Variants in LEFTY2 observed in about 807,000 individuals in gnomAD.
LEFTY2 encodes left-right determination factor 2.
A neutral mutation model predicts 26.4 loss-of-function variants in LEFTY2; 10 were observed. That is an observed-to-expected ratio of 0.38 (90% CI 0.23 to 0.64). The LOEUF is 0.64. Ranked by LOEUF, LEFTY2 falls within the 30% of genes least tolerant of loss-of-function variation. The pLI, the probability that LEFTY2 is intolerant of heterozygous loss-of-function variation, is 0.56. For missense variants in LEFTY2, 407 were observed against 502.1 expected (o/e 0.81, Z 1.81); for synonymous variants, 204 against 234.1 (o/e 0.87, Z 1.17).
In LEFTY2 at chr1:225,939,293, G is replaced by C. The variant is rs988712334; in HGVS notation, c.737+68C>G. The stretch of plus-strand genomic sequence containing the variant: ...CCGCCACCATCCGGTCCCCCAGACA[G>C]TCCTGGGGACGGGGGTCTGGACCAC... On this transcript the variant is annotated intron_variant, in intron 3 of 3. Coordinates refer to ENST00000366820, the MANE Select transcript of LEFTY2 (RefSeq NM_003240.5). The surrounding 1 kb of genome is among the most constrained non-coding windows in gnomAD (Gnocchi z 4.1). 1 of 1,605,266 alleles carries C rather than the reference G, an allele frequency of 6.2e-7. No individual in the cohort carries two copies. Among genetic ancestry groups the C allele is most frequent in the Non-Finnish European group, 8.5e-7 (1 of 1,176,066 alleles).
rs143844031 is a variant in LEFTY2 at position 225,937,465 on chromosome 1, G to A, written c.1077C>T (p.Leu359=). 405 of 1,613,818 alleles carry A rather than the reference G, an allele frequency of 2.5e-4. No homozygotes were observed. The highest frequency in any genetic ancestry group is 8.9e-5 in the Non-Finnish European group (105 of 1,180,036). The change falls in exon 4 of 4, where the codon CTC becomes CTT. Residue 359 remains leucine (L), a synonymous_variant. Transcript: ENST00000366820. The part of the protein sequence containing the change: ...QKCSCASDGA[L]VPRRLQP ...CCTATGGCTGGAGCCTCCTTGGCAC[G>A]AGCGCCCCATCCGAGGCACAGCTGC... is the stretch of plus-strand genomic sequence containing the variant.
chr1:225,941,075 C>T lies in LEFTY2; in HGVS notation c.66G>A (p.Leu22=). 1 of 1,602,328 alleles carries T rather than the reference C, an allele frequency of 6.2e-7. No homozygotes were observed. The highest frequency in any genetic ancestry group is 8.5e-7 in the Non-Finnish European group (1 of 1,174,186). ...VLPLAGPGAA[L]TEEQLLGSLL... is the part of the protein sequence containing the mutation. ...GGCTGCCCAGGAGCTGCTCCTCGGTCAGGGCCGCCCCGGGGCCAGCCAGGG... is the reference window on the plus strand; with the variant it reads ...GGCTGCCCAGGAGCTGCTCCTCGGTTAGGGCCGCCCCGGGGCCAGCCAGGG... Residue 22 remains leucine (L), a synonymous_variant, in exon 1 of 4, where the codon CTG becomes CTA. Transcript: ENST00000366820.
At position 225,938,378 on chromosome 1, in the gene LEFTY2, A is replaced by G. The variant is rs190467530; in HGVS notation, c.738-574T>C. ...GGTAAAGTGAAAGTAGATGATTACA[A>G]TCGTGTATATGGAGTCAATGGCAAT... is the stretch of plus-strand genomic sequence containing the variant. On this transcript the variant is annotated intron_variant, in intron 3 of 3. Transcript: ENST00000366820. Among the ~76,000 whole-genome samples, 492 of 152,370 alleles carry G rather than the reference A, an allele frequency of 3.2e-3. 8 individuals are homozygous for G. The highest frequency in any genetic ancestry group is 0.011 in the African/African-American group (467 of 41,592).
chr1:225,938,012 G>T (rs1013752032), intron 3 of LEFTY2, among the ~76,000 whole-genome samples: 4 of 151,554 alleles, frequency 2.6e-5, no homozygotes, highest in African/African-American at 9.7e-5. Flanking sequence ...CTCCTAATAG[G>T]CCAGACAATG....
Position 225,939,841 on chromosome 1 carries a change from G to T in LEFTY2, c.412C>A (p.Pro138Thr), listed in dbSNP as rs1207480577. 20 of 1,545,340 alleles carry T rather than the reference G, an allele frequency of 1.3e-5. No individual in the cohort carries two copies. Among genetic ancestry groups the T allele is most frequent in the Non-Finnish European group, 1.5e-5 (17 of 1,151,428 alleles). ...GTCACCCGGGCCTGGGCGCTGCGCG[G>T]GGACAGCCGCCCGTGCCTGTGCAGC... ...AALHRHGRLS[P>T]RSAQARVTVE... Residue 138 changes from proline to threonine, a missense_variant, in exon 2 of 4, where the codon CCG becomes ACG. By Grantham distance (38) the Pro-to-Thr change is conservative. Transcript: ENST00000366820. The surrounding 1 kb of genome is among the most constrained non-coding windows in gnomAD (Gnocchi z 4.1).
Position 225,941,106 on chromosome 1 carries a change from A to G in LEFTY2, c.35T>C (p.Val12Ala). ...CGCCCCGGGGCCAGCCAGGGGCAGCACCCAGAGTGCCCAGCAGAGCCACAG... is the reference window on the plus strand; with the variant it reads ...CGCCCCGGGGCCAGCCAGGGGCAGCGCCCAGAGTGCCCAGCAGAGCCACAG... ...WPLWLCWALW[V>A]LPLAGPGAAL... is the part of the protein sequence containing the mutation. Residue 12 changes from valine (V) to alanine (A), a missense_variant, in exon 1 of 4, where the codon GTG becomes GCG. Coordinates refer to ENST00000366820, the MANE Select transcript of LEFTY2 (RefSeq NM_003240.5). 6.3e-7 allele frequency: 1 copy of G among 1,585,602 alleles called. No individual in the cohort carries two copies. The highest frequency in any genetic ancestry group is 8.6e-7 in the Non-Finnish European group (1 of 1,166,834).
In LEFTY2 at chr1:225,939,299, G is replaced by T; in HGVS notation, c.737+62C>A. 6.2e-7 allele frequency: 1 copy of T among 1,608,784 alleles called. No individual in the cohort carries two copies. On this transcript the variant is annotated intron_variant, in intron 3 of 3. Coordinates refer to ENST00000366820, the MANE Select transcript of LEFTY2 (RefSeq NM_003240.5). This position sits in a 1 kb window ranked among gnomAD's most constrained non-coding sequence, Gnocchi z 4.1. ...CCATCCGGTCCCCCAGACAGTCCTG[G>T]GGACGGGGGTCTGGACCACTCAGTG...
chr1:225,937,198 C>G lies in LEFTY2; in HGVS notation c.*243G>C. 1 of 618,916 alleles carries G rather than the reference C, an allele frequency of 1.6e-6. No homozygotes were observed. The highest frequency in any genetic ancestry group is 2.8e-6 in the Non-Finnish European group (1 of 354,754). The allele number at this position is 618,916 out of a possible 1,614,324, so 38.3% of individuals were successfully genotyped here. A position where few individuals can be genotyped will look rare whatever the true frequency, so the allele number is the denominator to read the frequency against. On this transcript the variant is annotated 3_prime_UTR_variant, in exon 4 of 4. Coordinates refer to ENST00000366820, the MANE Select transcript of LEFTY2 (RefSeq NM_003240.5). ...AAATGTGTGCATTGCTCAGCTGTAT[C>G]TTGTAATCAGCATGCCAGCATTTCC...
intron 1 of LEFTY2, 110 bp downstream of exon 1, chr1:225,940,781 G>T: frequency 6.5e-7 from 1 of 1,531,194 alleles, no homozygotes; most frequent in Non-Finnish European, 8.9e-7. Context: ...CCCTCACACA[G>T]CCTCCCACAG....
Position 225,937,073 on chromosome 1 carries a change from T to A in LEFTY2, c.*368A>T. 1 of 369,248 alleles carries A rather than the reference T, an allele frequency of 2.7e-6. No individual in the cohort carries two copies. The highest frequency in any genetic ancestry group is 5.1e-6 in the Non-Finnish European group (1 of 196,338). The allele number at this position is 369,248 out of a possible 1,614,324, so 22.9% of individuals were successfully genotyped here. On this transcript the variant is annotated 3_prime_UTR_variant, in exon 4 of 4. Coordinates refer to ENST00000366820, the MANE Select transcript of LEFTY2 (RefSeq NM_003240.5). Reference sequence around the variant, plus strand: ...GATTTGAAGGTTTTAATTCCTCATATAACACAGCAATTCAGTTCTGTTTCC... The same window carrying A: ...GATTTGAAGGTTTTAATTCCTCATAAAACACAGCAATTCAGTTCTGTTTCC...
Position 225,937,668 on chromosome 1 carries a change from C to A in LEFTY2, c.874G>T (p.Glu292Ter). The A allele has an allele frequency of 6.2e-7, 1 of 1,614,064 alleles. No homozygotes were observed. Among genetic ancestry groups the A allele is most frequent in the Non-Finnish European group, 8.5e-7 (1 of 1,179,976 alleles). ...GGCTGCTGGCAGGTGCCCACACACT[C>A]GTAAGCCAGGAAGCCCGGGGGCTCC... ...VLEPPGFLAY[E>*]CVGTCQQPPE... Residue 292 changes from glutamate to a stop codon, truncating the protein, a stop_gained, in exon 4 of 4, where the codon GAG becomes TAG. Transcript: ENST00000366820. LOFTEE classifies it high-confidence loss of function.
chr1:225,937,789 AC>A lies in LEFTY2; in HGVS notation c.752del (p.Cys251LeufsTer7). ...DLRDYGAQGD[C>X]DPEAPMTEGT... ...CCTCGGTCATTGGTGCTTCAGGGTC[AC>A]AGTCGCCCTGAGCTCTGTGTGGGCA... On this transcript the variant is annotated frameshift_variant, in exon 4 of 4. Transcript: ENST00000366820. LOFTEE classifies it low-confidence loss of function (END_TRUNC). 6.2e-7 allele frequency: 1 copy of A among 1,611,758 alleles called. No homozygotes were observed. The highest frequency in any genetic ancestry group is 8.5e-7 in the Non-Finnish European group (1 of 1,178,952).
In LEFTY2 at chr1:225,937,692, C is replaced by G; in HGVS notation, c.850G>C (p.Glu284Gln). 2 of 1,613,750 alleles carry G rather than the reference C, an allele frequency of 1.2e-6. No homozygotes were observed. Among genetic ancestry groups the G allele is most frequent in the Non-Finnish European group, 1.7e-6 (2 of 1,179,692 alleles). ...TCGTAAGCCAGGAAGCCCGGGGGCT[C>G]CAGCACCCAGTTCTTGGCCCACTTC... ...GMKWAKNWVL[E>Q]PPGFLAYECV... is the part of the protein sequence containing the mutation. Residue 284 changes from glutamate to glutamine, a missense_variant, in exon 4 of 4, where the codon GAG becomes CAG. Transcript: ENST00000366820.
chr1:225,938,861 G>A (rs151147055), intron 3 of LEFTY2, among the ~76,000 whole-genome samples: 2 of 102,552 alleles, frequency 2.0e-5, no homozygotes, highest in South Asian at 3.4e-4. Context: ...TCTTTTCTTT[G>A]TTTCCTTTTT....
chr1:225,937,321 A>G lies in LEFTY2; in HGVS notation c.*120T>C, dbSNP rs766250676. 16 of 1,519,706 alleles carry G rather than the reference A, an allele frequency of 1.1e-5. No individual in the cohort carries two copies. Among genetic ancestry groups the G allele is most frequent in the Non-Finnish European group, 1.4e-5 (15 of 1,108,506 alleles). The allele number at this position is 1,519,706 out of a possible 1,614,324, so 94.1% of individuals were successfully genotyped here. On this transcript the variant is annotated 3_prime_UTR_variant, in exon 4 of 4. Coordinates refer to ENST00000366820, the MANE Select transcript of LEFTY2 (RefSeq NM_003240.5). ...CAGGAAATGGAAGGACACAGGGCGA[A>G]GGTCACACAGGAGCACTAAATTGGG...
intron 1 of LEFTY2, 89 bp from the exon 2 acceptor site, chr1:225,940,091 G>A: frequency 6.3e-7 from 1 of 1,576,096 alleles, no homozygotes; most frequent in South Asian, 1.1e-5. Context: ...AGCCAGGCCA[G>A]GAGACACCGG....
chr1:225,940,448 C>T (rs1259077971), intron 1 of LEFTY2, among the ~76,000 whole-genome samples: 2 of 152,188 alleles, frequency 1.3e-5, no homozygotes, highest in African/African-American at 2.4e-5. Context: ...TGGGAGATGG[C>T]GAAGACATAG....
At position 225,937,535 on chromosome 1, in the gene LEFTY2, G is replaced by A; in HGVS notation, c.1007C>T (p.Thr336Ile). The change falls in exon 4 of 4, where the codon ACC (threonine) becomes ATC (isoleucine). Residue 336 changes from threonine to isoleucine, a missense_variant. Transcript: ENST00000366820. ...MIVSIKEGGR[T>I]RPQVVSLPNM... ...GGGCAGGCTGACCACCTGGGGCCTG[G>A]TCCTGCCTCCCTCCTTGATGCTGAC... The A allele has an allele frequency of 1.2e-6, 2 of 1,614,014 alleles. No homozygotes were observed. The highest frequency in any genetic ancestry group is 1.7e-6 in the Non-Finnish European group (2 of 1,180,034).
At position 225,937,356 on chromosome 1, in the gene LEFTY2, C is replaced by A. The variant is rs1286574304; in HGVS notation, c.*85G>T. On this transcript the variant is annotated 3_prime_UTR_variant, in exon 4 of 4. Coordinates refer to ENST00000366820, the MANE Select transcript of LEFTY2 (RefSeq NM_003240.5). The stretch of plus-strand genomic sequence containing the variant: ...GGAGCACTAAATTGGGATGGAGTAA[C>A]TTGCTAAGTATAAAGTTAAGACCTA... The A allele has an allele frequency of 1.2e-6, 2 of 1,603,136 alleles. No homozygotes were observed. The highest frequency in any genetic ancestry group is 1.7e-6 in the Non-Finnish European group (2 of 1,177,108).
Sources: gnomAD v4.1 joint callset for allele counts (sites outside exome capture counted in the v4.1 genomes callset) on GRCh38, gnomAD v4.1.1 for gene constraint, Gnocchi (gnomAD v3.1) non-coding constraint, MANE v1.5 for transcripts, NCBI Gene and HGNC (gene_info 2026-07-23, HGNC 2026-07-21) for gene names.